The following SSMEM1 variants were observed in gnomAD, a reference collection of about 807,000 sequenced individuals.
SSMEM1 encodes the protein serine-rich single-pass membrane protein 1.
In SSMEM1, 12 loss-of-function variants were observed where a neutral mutation model predicts 9.9. That is an observed-to-expected ratio of 1.21 (90% confidence interval 0.78 to 1.96). The LOEUF is 1.96. Ranked by LOEUF, SSMEM1 falls within the 30% of genes most tolerant of loss-of-function variation. The pLI is 0.00. For synonymous variants in SSMEM1, 96 were observed against 98.9 expected (o/e 0.97, Z 0.17); for missense variants, 259 against 292.2 (o/e 0.89, Z 0.83).
intron 2 of SSMEM1, 67 bp downstream of exon 2, chr7:130,213,601 T>C: frequency 7.1e-7 from 1 of 1,413,554 alleles, no homozygotes; most frequent in East Asian, 2.5e-5. Flanking sequence ...TGCATGCCTG[T>C]AGTCCCAGCT....
upstream of SSMEM1, among the ~76,000 whole-genome samples, chr7:130,205,657 A>G (rs747763256): frequency 3.9e-5 from 6 of 152,146 alleles, no homozygotes; most frequent in Non-Finnish European, 8.8e-5. Flanking sequence ...TAACAAGCTG[A>G]ATTTTGTATC....
At chr7:130,211,209 G>T (rs1051894993) in intron 1 of SSMEM1, among the ~76,000 whole-genome samples, 8 of 144,076 alleles carry the variant, frequency 5.6e-5, no homozygotes, top group African/African-American at 2.1e-4. Flanking sequence ...CCAAGCTGGA[G>T]TGCAGTGGTG....
At chr7:130,215,575 C>G (rs1047531577) in intron 2 of SSMEM1, among the ~76,000 whole-genome samples, 1 of 152,204 alleles carries the variant, frequency 6.6e-6, no homozygotes, top group Admixed American at 6.5e-5. Flanking sequence ...CTTCCTCACA[C>G]CACTACGTAA....
chr7:130,207,093 C>A (rs553676710), upstream of SSMEM1: 10 of 156,292 alleles, frequency 6.4e-5, no homozygotes, highest in South Asian at 1.7e-3. Context: ...TAGTTCATAA[C>A]GGGCACATCT....
At position 130,216,494 on chromosome 7, in the gene SSMEM1, T is replaced by G; in HGVS notation, c.*24T>G. ...GAATTTTATCACGTTCTTCCTTCAC[T>G]TGAAGCCAAATGAAAGAGATGAATA... is the stretch of plus-strand genomic sequence containing the variant. On this transcript the variant is annotated 3_prime_UTR_variant, in exon 3 of 3. Transcript: ENST00000297819. 6.2e-7 allele frequency: 1 copy of G among 1,600,684 alleles called. No homozygotes were observed. The highest frequency in any genetic ancestry group is 8.5e-7 in the Non-Finnish European group (1 of 1,172,040).
At chr7:130,209,759 T>C (rs1205257559) in intron 1 of SSMEM1, among the ~76,000 whole-genome samples, 1 of 152,162 alleles carries the variant, frequency 6.6e-6, no homozygotes, top group Non-Finnish European at 1.5e-5. Flanking sequence ...TTTGTATTTT[T>C]AGTAGAGATG....
In SSMEM1 at chr7:130,216,530, A is replaced by T. The variant is rs1798713342; in HGVS notation, c.*60A>T. The T allele has an allele frequency of 7.0e-6, 11 of 1,561,310 alleles. No homozygotes were observed. In the South Asian group the frequency reaches 1.3e-4, roughly 19 times the overall value. On this transcript the variant is annotated 3_prime_UTR_variant, in exon 3 of 3. Coordinates refer to ENST00000297819, the MANE Select transcript of SSMEM1 (RefSeq NM_145268.4). ...TGAAAGAGATGAATAAAACATGAAA[A>T]ATCACCAGAGCTATAGGTGAGGAGA...
chr7:130,209,933 A>G (rs1362689826), intron 1 of SSMEM1, among the ~76,000 whole-genome samples: 2 of 152,206 alleles, frequency 1.3e-5, no homozygotes, highest in Non-Finnish European at 2.9e-5. Flanking sequence ...GGAGTCATAC[A>G]GCCTTGAGCT....
In SSMEM1 at chr7:130,215,543, C is replaced by T. The variant is rs567600672; in HGVS notation, c.239-431C>T. On this transcript the variant is annotated intron_variant, in intron 2 of 2. Transcript: ENST00000297819. ...CAAAATTCCTGAAAGTTTATCAGCT[C>T]TTCTGAGCAGGTACAAGCCAACTTC... Among the ~76,000 whole-genome samples, 51 of 152,262 alleles carry T rather than the reference C, an allele frequency of 3.3e-4. 1 individual carries two copies. Among genetic ancestry groups the T allele is most frequent in the African/African-American group, 1.2e-3 (50 of 41,544 alleles).
upstream of SSMEM1, chr7:130,205,646 G>C: frequency 1.7e-6 from 1 of 592,496 alleles, no homozygotes; most frequent in Non-Finnish European, 3.0e-6. Context: ...AGTAATAATT[G>C]TAACAAGCTG....
At position 130,207,955 on chromosome 7, in the gene SSMEM1, A is replaced by G. The variant is rs753411853; in HGVS notation, c.45A>G (p.Pro15=). 6.2e-7 allele frequency: 1 copy of G among 1,614,044 alleles called. No individual in the cohort carries two copies. Among genetic ancestry groups the G allele is most frequent in the Non-Finnish European group, 8.5e-7 (1 of 1,179,964 alleles). The change falls in exon 1 of 3, where the codon CCA becomes CCG. Residue 15 remains proline (P), a synonymous_variant. Coordinates refer to ENST00000297819, the MANE Select transcript of SSMEM1 (RefSeq NM_145268.4). ...FSLFWEVDPP[P]IPVNCAIPNQ... is the part of the protein sequence containing the mutation. Reference sequence around the variant, plus strand: ...TATTTTGGGAGGTAGATCCTCCCCCAATACCTGTAAATTGTGCCATTCCAA... The same window carrying G: ...TATTTTGGGAGGTAGATCCTCCCCCGATACCTGTAAATTGTGCCATTCCAA...
intron 1 of SSMEM1, among the ~76,000 whole-genome samples, chr7:130,211,129 T>A (rs529379550): frequency 4.7e-4 from 71 of 151,698 alleles, no homozygotes; most frequent in African/African-American, 1.5e-3. Context: ...TATTTAAGCC[T>A]CTTCCAAAAG....
chr7:130,207,960 C>G lies in SSMEM1; in HGVS notation c.50C>G (p.Pro17Arg). ...LFWEVDPPPI[P>R]VNCAIPNQDY... ...TGGGAGGTAGATCCTCCCCCAATAC[C>G]TGTAAATTGTGCCATTCCAAATCAG... Residue 17 changes from proline (P) to arginine (R), a missense_variant, in exon 1 of 3, where the codon CCT becomes CGT. Transcript: ENST00000297819. 3.7e-6 allele frequency: 6 copies of G among 1,613,992 alleles called. No homozygotes were observed. The highest frequency in any genetic ancestry group is 2.2e-5 in the South Asian group (2 of 91,064).
chr7:130,214,798 A>C (rs530395279), intron 2 of SSMEM1, among the ~76,000 whole-genome samples: 1 of 152,350 alleles, frequency 6.6e-6, no homozygotes, highest in South Asian at 2.1e-4. Flanking sequence ...TACAGGGATG[A>C]TACTGAAATG....
At chr7:130,212,614 A>G (rs774252147) in intron 1 of SSMEM1, among the ~76,000 whole-genome samples, 21 of 151,746 alleles carry the variant, frequency 1.4e-4, no homozygotes, top group Non-Finnish European at 2.6e-4. Context: ...AATCCCAGCT[A>G]CTCGGGAGGC....
intron 1 of SSMEM1, 105 bp from the exon 2 acceptor site, chr7:130,213,374 TA>T: frequency 1.3e-6 from 1 of 798,740 alleles, no homozygotes; most frequent in Non-Finnish European, 1.9e-6. Context: ...AATAAAAAAA[TA>T]AAACCAGACA....
At chr7:130,205,845 A>ATT (rs5887465), upstream of SSMEM1, among the ~76,000 whole-genome samples, 35 of 149,658 alleles carry the variant, frequency 2.3e-4, no homozygotes, top group Non-Finnish European at 3.0e-4. Context: ...ACCCCATGTA[A>ATT]TTTTTTTTTT....
chr7:130,216,607 A>G lies in SSMEM1; in HGVS notation c.*137A>G, dbSNP rs1798714727. 3 of 1,127,112 alleles carry G rather than the reference A, an allele frequency of 2.7e-6. No individual in the cohort carries two copies. The South Asian group carries it at 4.8e-5, about 18-fold the overall frequency. 69.8% of individuals were successfully genotyped at this position (1,127,112 alleles called of 1,614,324 possible). A position where few individuals can be genotyped will look rare whatever the true frequency, so the allele number is the denominator to read the frequency against. Reference sequence around the variant, plus strand: ...CAAACAAAAACATACTTGGAACCCAAGAGGTAAAATCTCACACAATTCTTC... The same window carrying G: ...CAAACAAAAACATACTTGGAACCCAGGAGGTAAAATCTCACACAATTCTTC... On this transcript the variant is annotated 3_prime_UTR_variant, in exon 3 of 3. Coordinates refer to ENST00000297819, the MANE Select transcript of SSMEM1 (RefSeq NM_145268.4).
chr7:130,207,758 C>T (rs999435351), upstream of SSMEM1: 1 of 810,024 alleles, frequency 1.2e-6, no homozygotes, highest in African/African-American at 1.7e-5. Flanking sequence ...ACTTAGAAGT[C>T]CAAGAAGCAT....
Sources: allele counts gnomAD v4.1 joint callset (sites outside exome capture counted in the v4.1 genomes callset), GRCh38; gene constraint gnomAD v4.1.1; transcripts MANE v1.5; gene names NCBI Gene and HGNC (gene_info 2026-07-23, HGNC 2026-07-21).